The following BAG1 variants were observed in gnomAD, a reference collection of about 807,000 sequenced individuals.
BAG1 encodes BAG cochaperone 1.
In BAG1, 35 loss-of-function variants were observed where a neutral mutation model predicts 35.5. The ratio of observed to expected loss-of-function variants is 0.99; its 90% CI spans 0.75 to 1.31. The LOEUF (loss-of-function observed/expected upper bound fraction) is 1.31. Ranked by LOEUF, BAG1 falls within the 50% of genes most tolerant of loss-of-function variation. The pLI, the probability that BAG1 is intolerant of heterozygous loss-of-function variation, is 0.00. For missense variants in BAG1, 464 were observed against 453.6 expected (o/e 1.02, Z -0.21); for synonymous variants, 191 against 178.9 (o/e 1.07, Z -0.54).
chr9:33,256,968 C>A, intron 4 of BAG1, 60 bp from the exon 5 acceptor site: 1 of 1,270,648 alleles, frequency 7.9e-7, no homozygotes, highest in South Asian at 1.2e-5. Flanking sequence ...GACTCCATGC[C>A]ACAATACTAA....
At chr9:33,257,073 C>T in intron 4 of BAG1, 165 bp from the exon 5 acceptor site, 1 of 585,264 alleles carries the variant, frequency 1.7e-6, no homozygotes, top group Non-Finnish European at 3.0e-6. Flanking sequence ...AAAGGCTGGC[C>T]GTGGGCCAGT....
In BAG1 at chr9:33,264,415, G is replaced by A. The variant is rs1215084329; in HGVS notation, c.260C>T (p.Thr87Ile). Residue 87 changes from threonine (T) to isoleucine (I), a missense_variant, in exon 1 of 7, where the codon ACC becomes ATC. Physicochemically the swap from Thr to Ile is moderately conservative, Grantham distance 89. Transcript: ENST00000634734. The stretch of plus-strand genomic sequence containing the variant: ...ACTCAGGGTCAACTCCTCGCTCCGG[G>A]TCAACTCCTCGCTCCGGGTCGAGCG... The A allele has an allele frequency of 6.2e-7, 1 of 1,612,546 alleles. No homozygotes were observed. The highest frequency in any genetic ancestry group is 1.1e-5 in the South Asian group (1 of 90,990).
chr9:33,261,990 A>C, intron 2 of BAG1: 1 of 1,184,336 alleles, frequency 8.4e-7, no homozygotes. Context: ...TTATTTTAAC[A>C]GAGAAATCAG....
At chr9:33,262,548 T>C (rs963855623) in intron 2 of BAG1, among the ~76,000 whole-genome samples, 154 bp downstream of exon 2, 13 of 152,022 alleles carry the variant, frequency 8.6e-5, no homozygotes, top group Non-Finnish European at 1.3e-4. Context: ...TCCCAGCTAC[T>C]TGAGAGGCTG....
intron 1 of BAG1, 55 bp from the exon 2 acceptor site, chr9:33,262,885 A>G: frequency 6.3e-7 from 1 of 1,596,464 alleles, no homozygotes; most frequent in Non-Finnish European, 8.5e-7. Flanking sequence ...ACACCAATAT[A>G]GGATGACACT....
In BAG1 at chr9:33,258,870, C is replaced by T. The variant is rs761830474; in HGVS notation, c.777+50G>A. ...TGTCCCCATAACCACAAGTTATATCCAGGAAGCTCTGATAGAAGGCAGAAA... is the reference window on the plus strand; with the variant it reads ...TGTCCCCATAACCACAAGTTATATCTAGGAAGCTCTGATAGAAGGCAGAAA... On this transcript the variant is annotated intron_variant, in intron 4 of 6. Transcript: ENST00000634734. 9.4e-6 allele frequency: 14 copies of T among 1,492,592 alleles called. No individual in the cohort carries two copies. In the Middle Eastern group the frequency reaches 5.2e-4, roughly 55 times the overall value. The allele number at this position is 1,492,592 out of a possible 1,614,324, so 92.5% of individuals were successfully genotyped here.
Position 33,255,871 on chromosome 9 carries a change from CTTT to C in BAG1, c.939_941del (p.Lys314del). 1 of 1,613,824 alleles carries C rather than the reference CTTT, an allele frequency of 6.2e-7. No homozygotes were observed. Among genetic ancestry groups the C allele is most frequent in the South Asian group, 1.1e-5 (1 of 91,070 alleles). ...GCACTATTACACAACTCACCTGAAC[CTTT>C]TTTACCAAGCCTTTCCTTTTCAATC... On this transcript the variant is annotated inframe_deletion, in exon 6 of 7. Transcript: ENST00000634734.
intron 4 of BAG1, chr9:33,257,228 T>C: frequency 8.1e-6 from 2 of 247,152 alleles, no homozygotes; most frequent in East Asian, 1.8e-4. Flanking sequence ...CTTCAAAGCC[T>C]ACGCCTGAAA....
At chr9:33,262,025 T>C (rs746046843) in intron 2 of BAG1, 63 of 1,197,880 alleles carry the variant, frequency 5.3e-5, no homozygotes, top group Non-Finnish European at 6.5e-5. Context: ...AGAAAATGAT[T>C]ATTTAATAGT....
chr9:33,262,094 G>A (rs1820583917), intron 2 of BAG1: 2 of 1,284,530 alleles, frequency 1.6e-6, no homozygotes, highest in Non-Finnish European at 2.0e-6. Flanking sequence ...ATAATGGGAA[G>A]ATGATCTAAC....
chr9:33,262,338 G>A (rs1820589184), intron 2 of BAG1: 1 of 1,204,528 alleles, frequency 8.3e-7, no homozygotes, highest in Non-Finnish European at 1.1e-6. Context: ...CTGTCCTTTG[G>A]CCATAAGGAA....
rs1320727668 is a variant in BAG1, at chr9:33,255,287, T to C, written c.970A>G (p.Thr324Ala). The C allele has an allele frequency of 2.5e-6, 4 of 1,614,234 alleles. No homozygotes were observed. In the Admixed American group the frequency reaches 6.7e-5, roughly 27 times the overall value. ...TCCTGGCAGATGTTCTGCTCCACTG[T>C]GTCACACTCGGCTAGGAATGCCTAG... The change falls in exon 7 of 7, where the codon ACA (threonine) becomes GCA (alanine). Residue 324 changes from threonine to alanine, a missense_variant. Coordinates refer to ENST00000634734, the MANE Select transcript of BAG1 (RefSeq NM_004323.6).
chr9:33,261,217 T>G, intron 2 of BAG1, 48 bp from the exon 3 acceptor site: 1 of 1,382,826 alleles, frequency 7.2e-7, no homozygotes, highest in Non-Finnish European at 1.0e-6. Context: ...TGTACAACAC[T>G]GAAAATAAAT....
chr9:33,258,991 A>C lies in BAG1; in HGVS notation c.706T>G (p.Leu236Val), dbSNP rs1186156266. The C allele has an allele frequency of 1.2e-6, 2 of 1,614,074 alleles. No individual in the cohort carries two copies. Among genetic ancestry groups the C allele is most frequent in the Non-Finnish European group, 1.7e-6 (2 of 1,180,034 alleles). ...GCTATCTTCTCCACAGACTTCTCCA[A>C]ATGTTTCAACTTCTTTAGTTCAACC... Residue 236 changes from leucine to valine, a missense_variant, in exon 4 of 7, where the codon TTG becomes GTG. Leu to Val is a conservative substitution (Grantham distance 32). Coordinates refer to ENST00000634734, the MANE Select transcript of BAG1 (RefSeq NM_004323.6).
chr9:33,255,909 T>C lies in BAG1; in HGVS notation c.904A>G (p.Lys302Glu). The C allele has an allele frequency of 1.2e-6, 2 of 1,613,980 alleles. No individual in the cohort carries two copies. The highest frequency in any genetic ancestry group is 2.2e-5 in the South Asian group (2 of 91,082). ...CCTTTCCTTTTCAATCTACTGTCTT[T>C]GAAATTTTCTGGCAGGATCTATGGA... Residue 302 changes from lysine (K) to glutamate (E), a missense_variant, in exon 6 of 7, where the codon AAA (lysine) becomes GAA (glutamate). Lys to Glu is a moderately conservative substitution (Grantham distance 56). Transcript: ENST00000634734.
chr9:33,255,093 G>A lies in BAG1; in HGVS notation c.*126C>T. The A allele has an allele frequency of 6.2e-7, 1 of 1,603,024 alleles. No individual in the cohort carries two copies. Among genetic ancestry groups the A allele is most frequent in the Non-Finnish European group, 8.5e-7 (1 of 1,173,920 alleles). On this transcript the variant is annotated 3_prime_UTR_variant, in exon 7 of 7. Transcript: ENST00000634734. Reference sequence around the variant, plus strand: ...TTTTTCATTGAGAACCAGTGTGAGAGTAGGAAAATTGGCAAATGGCCAGTT... The same window carrying A: ...TTTTTCATTGAGAACCAGTGTGAGAATAGGAAAATTGGCAAATGGCCAGTT...
chr9:33,255,357 C>T lies in BAG1; in HGVS notation c.949-49G>A, dbSNP rs752636879. ...AAGGGCCCATCCAGGGGTAGCCGAC[C>T]ACTGCCCACACAAGGCTCCTTGCTT... On this transcript the variant is annotated intron_variant, in intron 6 of 6. Coordinates refer to ENST00000634734, the MANE Select transcript of BAG1 (RefSeq NM_004323.6). 3 of 1,612,814 alleles carry T rather than the reference C, an allele frequency of 1.9e-6. No individual in the cohort carries two copies. The East Asian group carries it at 6.7e-5, about 36-fold the overall frequency.
intron 3 of BAG1, 27 bp from the exon 4 acceptor site, chr9:33,259,060 C>G: frequency 6.3e-7 from 1 of 1,592,168 alleles, no homozygotes. Flanking sequence ...GAAAATAAAG[C>G]CAATAGTCAA....
rs1440707765 is a variant in BAG1 at position 33,253,759 on chromosome 9, A to AT, written c.*1459dup. ...GAGCCACAGAATGATTTCCTCATTA[A>AT]TCCAAAAAAAAAAAAAAAAGCAAAC... On this transcript the variant is annotated 3_prime_UTR_variant, in exon 7 of 7. Transcript: ENST00000634734. The AT allele has an allele frequency of 8.0e-6, 1 of 124,230 alleles. No individual in the cohort carries two copies. Among genetic ancestry groups the AT allele is most frequent in the African/African-American group, 4.0e-5 (1 of 25,278 alleles). The allele number at this position is 124,230 out of a possible 1,614,324, so 7.7% of individuals were successfully genotyped here.
Sources: allele counts gnomAD v4.1 joint callset (sites outside exome capture counted in the v4.1 genomes callset), GRCh38; gene constraint gnomAD v4.1.1; transcripts MANE v1.5; gene names NCBI Gene and HGNC (gene_info 2026-07-23, HGNC 2026-07-21).